Variants in GRIN2A observed in about 807,000 individuals in gnomAD.
GRIN2A encodes the protein glutamate receptor ionotropic, NMDA 2A.
Under a neutral mutation model 113.4 loss-of-function variants are expected in GRIN2A, and 22 were observed. That is an observed-to-expected ratio of 0.19 (90% CI 0.14 to 0.28). The LOEUF (loss-of-function observed/expected upper bound fraction) is 0.28, where lower values mean the gene tolerates loss of function less well. Ranked by LOEUF, GRIN2A falls within the 10% of genes least tolerant of loss-of-function variation. The pLI, the probability that GRIN2A is intolerant of heterozygous loss-of-function variation, is 1.00. For synonymous variants in GRIN2A, 827 were observed against 738.4 expected, an observed-to-expected ratio of 1.12 and a Z score of -1.94; for missense variants, 1,502 against 1,887.0, an observed-to-expected ratio of 0.80 and a Z score of 3.78.
intron 10 of GRIN2A, among the ~76,000 whole-genome samples, chr16:9,808,017 TG>T (rs368163523): frequency 1.1e-4 from 17 of 152,364 alleles, no homozygotes; most frequent in African/African-American, 3.4e-4. Flanking sequence ...TGGTTCTTTC[TG>T]GAATGCTACT....
chr16:10,045,073 A>C (rs2047234891), intron 2 of GRIN2A, among the ~76,000 whole-genome samples: 1 of 152,306 alleles, frequency 6.6e-6, no homozygotes, highest in Non-Finnish European at 1.5e-5. Flanking sequence ...TCTTTTGAAA[A>C]TGTTTGATGG....
chr16:10,032,665 C>T (rs2141929965), intron 2 of GRIN2A, among the ~76,000 whole-genome samples: 1 of 152,232 alleles, frequency 6.6e-6, no homozygotes, highest in East Asian at 1.9e-4. Flanking sequence ...TAGGCACACC[C>T]CTAGAAAGTG....
intron 2 of GRIN2A, among the ~76,000 whole-genome samples, chr16:10,070,107 C>T (rs1431092740): frequency 6.6e-6 from 1 of 152,206 alleles, no homozygotes; most frequent in East Asian, 1.9e-4. Flanking sequence ...CTCTTCTCTA[C>T]CTGAGTGGTA....
At chr16:9,964,148 C>T (rs1425275139) in intron 2 of GRIN2A, among the ~76,000 whole-genome samples, 1 of 152,206 alleles carries the variant, frequency 6.6e-6, no homozygotes, top group Non-Finnish European at 1.5e-5. Flanking sequence ...GAGGCAACAG[C>T]ATCCTTGAAG....
chr16:9,870,932 C>T (rs1369564281), intron 4 of GRIN2A, among the ~76,000 whole-genome samples: 1 of 152,212 alleles, frequency 6.6e-6, no homozygotes, highest in African/African-American at 2.4e-5. Context: ...GCCACCACGC[C>T]TGGCTCAAGT....
chr16:10,028,018 A>T (rs896853846), intron 2 of GRIN2A, among the ~76,000 whole-genome samples: 1 of 152,044 alleles, frequency 6.6e-6, no homozygotes, highest in African/African-American at 2.4e-5. Flanking sequence ...ACTTATTACA[A>T]AGTGCTCTGA....
chr16:9,802,183 G>A (rs532210360), intron 10 of GRIN2A, among the ~76,000 whole-genome samples: 1 of 152,124 alleles, frequency 6.6e-6, no homozygotes, highest in African/African-American at 2.4e-5. Flanking sequence ...ACCTATACTG[G>A]GTATACACCC....
At chr16:10,088,763 C>G (rs1880721637) in intron 2 of GRIN2A, among the ~76,000 whole-genome samples, 1 of 152,328 alleles carries the variant, frequency 6.6e-6, no homozygotes, top group African/African-American at 2.4e-5. Context: ...GTCAGCAGCA[C>G]TGGAGTCCAA....
intron 2 of GRIN2A, among the ~76,000 whole-genome samples, chr16:9,940,443 A>G (rs148456392): frequency 1.5e-3 from 227 of 152,324 alleles, no homozygotes; most frequent in African/African-American, 5.0e-3. Context: ...CAGAAATCTA[A>G]TATTCTTGAA....
chr16:10,080,244 C>G (rs1414033177), intron 2 of GRIN2A, among the ~76,000 whole-genome samples: 2 of 152,162 alleles, frequency 1.3e-5, no homozygotes, highest in Non-Finnish European at 2.9e-5. Context: ...AGGCAGTCAT[C>G]AAATATTTGT....
At chr16:9,927,303 T>G (rs1246187688) in intron 3 of GRIN2A, among the ~76,000 whole-genome samples, 6 of 151,932 alleles carry the variant, frequency 3.9e-5, no homozygotes, top group Non-Finnish European at 5.9e-5. Context: ...GGGTCAGGAG[T>G]TTGGAGTTAA....
chr16:9,875,144 C>T (rs2043339540), intron 4 of GRIN2A, among the ~76,000 whole-genome samples: 1 of 151,896 alleles, frequency 6.6e-6, no homozygotes, highest in East Asian at 2.0e-4. Context: ...CTACAGGTGG[C>T]TCCTCACTGC....
chr16:9,792,014 C>T (rs1301402816), intron 11 of GRIN2A, among the ~76,000 whole-genome samples: 1 of 151,514 alleles, frequency 6.6e-6, no homozygotes, highest in Non-Finnish European at 1.5e-5. Context: ...CTAGATGAGT[C>T]TTTAAAATTA....
intron 2 of GRIN2A, among the ~76,000 whole-genome samples, chr16:10,060,330 C>T (rs2047530184): frequency 6.6e-6 from 1 of 152,178 alleles, no homozygotes; most frequent in South Asian, 2.1e-4. Flanking sequence ...TTCACGTTTT[C>T]TGATGTTGCC....
intron 2 of GRIN2A, among the ~76,000 whole-genome samples, chr16:9,995,793 G>A (rs1301102861): frequency 1.3e-5 from 2 of 151,976 alleles, no homozygotes; most frequent in Admixed American, 1.3e-4. Flanking sequence ...AGGGATAAAT[G>A]ACCCCCTTAA....
chr16:9,968,786 T>C (rs1169191175), intron 2 of GRIN2A, among the ~76,000 whole-genome samples: 1 of 151,992 alleles, frequency 6.6e-6, no homozygotes, highest in Non-Finnish European at 1.5e-5. Flanking sequence ...TTTGTAATTT[T>C]AGTAGAGATG....
intron 2 of GRIN2A, among the ~76,000 whole-genome samples, chr16:9,943,815 A>C (rs1287402282): frequency 1.3e-5 from 2 of 152,214 alleles, no homozygotes; most frequent in African/African-American, 2.4e-5. Flanking sequence ...ATCAAAGAAT[A>C]ACCTATGCAT....
chr16:10,060,184 G>T (rs1256983116), intron 2 of GRIN2A, among the ~76,000 whole-genome samples: 1 of 152,142 alleles, frequency 6.6e-6, no homozygotes, highest in Non-Finnish European at 1.5e-5. Context: ...GAAGGGAAAG[G>T]TCAGAGAAAG....
intron 2 of GRIN2A, among the ~76,000 whole-genome samples, chr16:10,133,832 T>C (rs7189525): frequency 0.93 from 141,594 of 151,986 alleles, 66,658 homozygotes; most frequent in East Asian, 1. Flanking sequence ...GGTTTTTGAT[T>C]AAAAAAGGAA....
Sources: allele counts gnomAD v4.1 joint callset (sites outside exome capture counted in the v4.1 genomes callset), GRCh38; gene constraint gnomAD v4.1.1; transcripts MANE v1.5; gene names NCBI Gene and HGNC (gene_info 2026-07-23, HGNC 2026-07-21).